ADGRV1: variants seen among roughly 807,000 people sequenced by gnomAD.
ADGRV1 encodes the protein adhesion G protein-coupled receptor V1.
A neutral mutation model predicts 596.2 loss-of-function variants in ADGRV1; 359 were observed. The observed-to-expected ratio is 0.60, with a 90% CI of 0.55 to 0.66. The LOEUF is 0.66. Among genes scored for constraint, ADGRV1 ranks in the 30% least tolerant of loss-of-function variants. The probability of loss-of-function intolerance (pLI) is 0.00; values close to 1 mark genes in which losing one functional copy is unlikely to be tolerated. For synonymous variants in ADGRV1, 2,681 were observed against 2,679.2 expected (o/e 1.00, Z -0.02); for missense variants, 7,274 against 7,575.6 (o/e 0.96, Z 1.48).
At chr5:90,721,123 A>C in intron 45 of ADGRV1, 64 bp downstream of exon 45, 1 of 1,425,000 alleles carries the variant, frequency 7.0e-7, no homozygotes, top group Non-Finnish European at 9.7e-7. Flanking sequence ...TATAAGATTT[A>C]TATTTTTTCC....
intron 1 of ADGRV1, among the ~76,000 whole-genome samples, chr5:90,570,482 C>A (rs945963841): frequency 3.9e-5 from 6 of 152,054 alleles, no homozygotes; most frequent in Non-Finnish European, 8.8e-5. Context: ...ATTTGGGAAG[C>A]CTTCAGCCAT....
chr5:90,571,061 TTTG>T (rs1322415654), intron 1 of ADGRV1, among the ~76,000 whole-genome samples: 4 of 152,050 alleles, frequency 2.6e-5, no homozygotes, highest in Non-Finnish European at 5.9e-5. Flanking sequence ...CTTCCTAGGG[TTTG>T]TTGTTGTCCC....
intron 25 of ADGRV1, 100 bp downstream of exon 25, chr5:90,676,309 C>T (rs1744214427): frequency 9.3e-7 from 1 of 1,079,664 alleles, no homozygotes; most frequent in Non-Finnish European, 1.3e-6. Context: ...ATTAATCTTA[C>T]TTAAATAAAT....
intron 34 of ADGRV1, 94 bp downstream of exon 34, chr5:90,697,240 A>G: frequency 8.7e-7 from 1 of 1,154,424 alleles, no homozygotes; most frequent in Non-Finnish European, 1.2e-6. Flanking sequence ...TTTCCCTTTC[A>G]TTATTTTGTT....
intron 3 of ADGRV1, among the ~76,000 whole-genome samples, chr5:90,618,785 T>C (rs180844992): frequency 5.2e-4 from 79 of 152,060 alleles, no homozygotes; most frequent in Middle Eastern, 3.4e-3. Flanking sequence ...AGTGATAACA[T>C]AGTAATTATA....
intron 86 of ADGRV1, among the ~76,000 whole-genome samples, chr5:91,087,878 A>G (rs1790030654): frequency 6.6e-6 from 1 of 152,178 alleles, no homozygotes; most frequent in Non-Finnish European, 1.5e-5. Context: ...TCCAGAGTCC[A>G]TGCTTTTAAT....
chr5:90,776,650 A>G, intron 61 of ADGRV1, 74 bp downstream of exon 61: 1 of 1,427,644 alleles, frequency 7.0e-7, no homozygotes, highest in Non-Finnish European at 9.9e-7. Context: ...TCTTAAGTTT[A>G]TCATTCTCAA....
chr5:90,647,823 T>G (rs1347284703), intron 17 of ADGRV1, 59 bp downstream of exon 17: 9 of 1,455,070 alleles, frequency 6.2e-6, no homozygotes, highest in Non-Finnish European at 8.5e-6. Context: ...AAGATGAAAT[T>G]AAGCACTGCA....
At chr5:91,113,427 T>C (rs1414571685) in intron 87 of ADGRV1, among the ~76,000 whole-genome samples, 1 of 152,188 alleles carries the variant, frequency 6.6e-6, no homozygotes, top group Non-Finnish European at 1.5e-5. Flanking sequence ...CTTAAGAGAA[T>C]TTAATTTCTT....
chr5:90,942,053 A>T (rs930675349), intron 83 of ADGRV1, among the ~76,000 whole-genome samples: 6 of 152,208 alleles, frequency 3.9e-5, no homozygotes, highest in African/African-American at 1.4e-4. Context: ...TTGTACAAGA[A>T]GCCTATCTTA....
At chr5:90,729,585 T>C in intron 49 of ADGRV1, 57 bp from the exon 50 acceptor site, 1 of 1,320,174 alleles carries the variant, frequency 7.6e-7, no homozygotes, top group Admixed American at 2.1e-5. Context: ...TATGTAATTT[T>C]GTCATTTTTT....
intron 85 of ADGRV1, among the ~76,000 whole-genome samples, chr5:90,990,004 G>A (rs1780833029): frequency 6.6e-6 from 1 of 152,060 alleles, no homozygotes; most frequent in African/African-American, 2.4e-5. Context: ...TTTTAGTAGG[G>A]ACGGGGTTTC....
intron 1 of ADGRV1, among the ~76,000 whole-genome samples, chr5:90,566,782 A>G (rs2151947384): frequency 6.6e-6 from 1 of 152,098 alleles, no homozygotes; most frequent in Non-Finnish European, 1.5e-5. Flanking sequence ...AGTTTAATTT[A>G]TCTTTTCCAA....
chr5:90,745,698 A>G lies in ADGRV1; in HGVS notation c.10877A>G (p.Lys3626Arg), dbSNP rs1283949758. ...GAAGAATCCTTCAAAGTTCAACTTA[A>G]AAATCCCAAAGGAGGAGCAGAGATT... The part of the protein sequence containing the change: ...EKEESFKVQL[K>R]NPKGGAEIGI... Residue 3626 changes from lysine (K) to arginine (R), a missense_variant, in exon 52 of 90, where the codon AAA (lysine) becomes AGA (arginine). Lys to Arg is a conservative substitution (Grantham distance 26, BLOSUM62 2). Coordinates refer to ENST00000405460, the MANE Select transcript of ADGRV1 (RefSeq NM_032119.4). 1 of 1,612,558 alleles carries G rather than the reference A, an allele frequency of 6.2e-7. No homozygotes were observed. The highest frequency in any genetic ancestry group is 8.5e-7 in the Non-Finnish European group (1 of 1,178,852).
At chr5:90,841,185 C>T (rs540022010) in intron 78 of ADGRV1, among the ~76,000 whole-genome samples, 200 bp downstream of exon 78, 1 of 152,168 alleles carries the variant, frequency 6.6e-6, no homozygotes, top group East Asian at 1.9e-4. Flanking sequence ...CTTTGGAAAT[C>T]TCAGTCTTAG....
chr5:91,040,958 C>A (rs947741539), intron 85 of ADGRV1, among the ~76,000 whole-genome samples: 1 of 152,138 alleles, frequency 6.6e-6, no homozygotes, highest in African/African-American at 2.4e-5. Context: ...TTCTCTTCTT[C>A]TCTAGTTATC....
rs140592213 is a variant in ADGRV1, at chr5:91,081,710, C to T, written c.18310+9106C>T. On this transcript the variant is annotated intron_variant, in intron 86 of 89. Coordinates refer to ENST00000405460, the MANE Select transcript of ADGRV1 (RefSeq NM_032119.4). Reference sequence around the variant, plus strand: ...CTGAGGCAGGAAAATGTCTTGAACCCGGGAGGCAGAGGTTGCAGTGAGCCA... The same window carrying T: ...CTGAGGCAGGAAAATGTCTTGAACCTGGGAGGCAGAGGTTGCAGTGAGCCA... Among the ~76,000 whole-genome samples, 1,271 of 152,148 alleles carry T rather than the reference C, an allele frequency of 8.4e-3. 18 individuals are homozygous for T. The highest frequency in any genetic ancestry group is 0.029 in the African/African-American group (1,205 of 41,506).
chr5:91,061,828 G>T (rs1200734182), intron 85 of ADGRV1, among the ~76,000 whole-genome samples: 1 of 152,246 alleles, frequency 6.6e-6, no homozygotes, highest in Admixed American at 6.5e-5. Context: ...ACATGATAGT[G>T]ATCCTGTGCA....
intron 83 of ADGRV1, among the ~76,000 whole-genome samples, chr5:90,964,380 A>G (rs1181538379): frequency 6.6e-6 from 1 of 152,152 alleles, no homozygotes; most frequent in East Asian, 1.9e-4. Context: ...TTCCAGGCAT[A>G]GTGGTACCCT....
Sources: allele counts gnomAD v4.1 joint callset (sites outside exome capture counted in the v4.1 genomes callset), GRCh38; gene constraint gnomAD v4.1.1; transcripts MANE v1.5; gene names NCBI Gene and HGNC (gene_info 2026-07-23, HGNC 2026-07-21).